The following EXOC4 variants were observed in gnomAD, a reference collection of about 807,000 sequenced individuals.
The protein encoded by EXOC4 is SEC8-like 1.
EXOC4 carries 71 observed loss-of-function variants against 107.2 expected under a neutral mutation model. The observed-to-expected ratio is 0.66, with a 90% CI of 0.55 to 0.81. The LOEUF (loss-of-function observed/expected upper bound fraction) is 0.81, where lower values mean the gene tolerates loss of function less well. EXOC4 is among the 30% of genes least tolerant of loss of function. The probability of loss-of-function intolerance (pLI) is 0.00; values close to 1 mark genes in which losing one functional copy is unlikely to be tolerated. For synonymous variants in EXOC4, 456 were observed against 441.2 expected, an observed-to-expected ratio of 1.03 and a Z score of -0.42; for missense variants, 1,108 against 1,189.6, an observed-to-expected ratio of 0.93 and a Z score of 1.01.
At chr7:133,813,533 G>A (rs1207112976) in intron 10 of EXOC4, among the ~76,000 whole-genome samples, 1 of 152,178 alleles carries the variant, frequency 6.6e-6, no homozygotes, top group Non-Finnish European at 1.5e-5. Flanking sequence ...GGATGCACCT[G>A]GGTAGAGTAT....
chr7:134,007,868 C>A, intron 17 of EXOC4, 33 bp downstream of exon 17: 1 of 1,587,076 alleles, frequency 6.3e-7, no homozygotes, highest in South Asian at 1.2e-5. Context: ...GTTTCTTATG[C>A]CAAAGCTAAG....
chr7:134,038,932 T>C (rs1795453384), intron 17 of EXOC4, among the ~76,000 whole-genome samples: 1 of 152,218 alleles, frequency 6.6e-6, no homozygotes, highest in East Asian at 1.9e-4. Flanking sequence ...CAAATGCACA[T>C]GTAAAGAGAT....
At chr7:133,618,740 C>T (rs1333586899) in intron 9 of EXOC4, among the ~76,000 whole-genome samples, 1 of 152,038 alleles carries the variant, frequency 6.6e-6, no homozygotes, top group Non-Finnish European at 1.5e-5. Context: ...AGTACTCCAT[C>T]AGAGCAAAAA....
At chr7:133,466,922 A>AT (rs767374552) in intron 7 of EXOC4, among the ~76,000 whole-genome samples, 8 of 152,174 alleles carry the variant, frequency 5.3e-5, no homozygotes, top group Non-Finnish European at 8.8e-5. Context: ...TCCATTGATT[A>AT]TTTATCAAAA....
At chr7:133,622,936 C>T (rs1802368874) in intron 9 of EXOC4, among the ~76,000 whole-genome samples, 1 of 152,156 alleles carries the variant, frequency 6.6e-6, no homozygotes, top group Non-Finnish European at 1.5e-5. Context: ...AATGAACCTA[C>T]TCTATGTGTG....
the EXOC4 span, among the ~76,000 whole-genome samples, chr7:134,077,764 T>G: frequency 6.6e-6 from 1 of 152,270 alleles, no homozygotes; most frequent in Non-Finnish European, 1.5e-5. Context: ...TCTAGGTTTG[T>G]CTGAGCACAG....
chr7:134,015,918 T>C (rs1794896872), intron 17 of EXOC4, among the ~76,000 whole-genome samples: 1 of 148,874 alleles, frequency 6.7e-6, no homozygotes, highest in Admixed American at 6.7e-5. Context: ...CAACAATGTA[T>C]CAGTGCTTGG....
the EXOC4 span, among the ~76,000 whole-genome samples, chr7:134,093,467 A>G: frequency 6.6e-6 from 1 of 152,186 alleles, no homozygotes; most frequent in Admixed American, 6.5e-5. Flanking sequence ...CTGCCACACA[A>G]TAACAGAGCG....
chr7:134,099,188 TA>T, the EXOC4 span, among the ~76,000 whole-genome samples: 1 of 152,152 alleles, frequency 6.6e-6, no homozygotes, highest in Non-Finnish European at 1.5e-5. Context: ...TCTAATCCCA[TA>T]AATGGTGTCC....
At chr7:133,736,081 C>A (rs1795438089) in intron 10 of EXOC4, among the ~76,000 whole-genome samples, 1 of 151,600 alleles carries the variant, frequency 6.6e-6, no homozygotes, top group Non-Finnish European at 1.5e-5. Context: ...AGAGGGAGAC[C>A]CTGTCTCAAA....
chr7:133,333,681 C>T (rs962819058), intron 5 of EXOC4, among the ~76,000 whole-genome samples: 3 of 152,094 alleles, frequency 2.0e-5, no homozygotes, highest in Non-Finnish European at 4.4e-5. Context: ...CTATTTATTT[C>T]TGTATCTGTT....
chr7:133,472,214 A>G (rs182893891), intron 7 of EXOC4, among the ~76,000 whole-genome samples: 1 of 152,324 alleles, frequency 6.6e-6, no homozygotes, highest in East Asian at 1.9e-4. Flanking sequence ...GTGTTTTAGG[A>G]CTGTCAGTCT....
At chr7:133,852,782 A>C (rs2116266785) in intron 11 of EXOC4, among the ~76,000 whole-genome samples, 2 of 152,326 alleles carry the variant, frequency 1.3e-5, no homozygotes, top group East Asian at 3.9e-4. Context: ...AAGCTTATAG[A>C]GTCTTGTTTG....
chr7:134,097,790 A>G, the EXOC4 span, among the ~76,000 whole-genome samples: 4 of 152,310 alleles, frequency 2.6e-5, no homozygotes, highest in South Asian at 8.3e-4. Flanking sequence ...AAGGTGTTAC[A>G]GCTCTGGTCC....
chr7:133,796,306 T>A (rs2151189998), intron 10 of EXOC4, among the ~76,000 whole-genome samples: 1 of 152,234 alleles, frequency 6.6e-6, no homozygotes, highest in East Asian at 1.9e-4. Flanking sequence ...TGAATACCAA[T>A]CTGATATACA....
At chr7:133,807,274 T>G (rs1797100718) in intron 10 of EXOC4, among the ~76,000 whole-genome samples, 1 of 152,120 alleles carries the variant, frequency 6.6e-6, no homozygotes, top group South Asian at 2.1e-4. Flanking sequence ...AAAATGGAGA[T>G]AGTAAAAGCA....
intron 11 of EXOC4, among the ~76,000 whole-genome samples, chr7:133,855,987 G>A (rs1798365111): frequency 6.6e-6 from 1 of 152,178 alleles, no homozygotes; most frequent in Non-Finnish European, 1.5e-5. Context: ...CCTGTCATTT[G>A]AGATAGTTAC....
chr7:133,301,742 C>T (rs973531761), intron 3 of EXOC4, among the ~76,000 whole-genome samples: 6 of 152,038 alleles, frequency 3.9e-5, no homozygotes, highest in Non-Finnish European at 8.8e-5. Context: ...TTACTGATGT[C>T]GTTTATCTTT....
intron 14 of EXOC4, among the ~76,000 whole-genome samples, chr7:133,951,940 A>G (rs544499251): frequency 6.6e-6 from 1 of 152,292 alleles, no homozygotes; most frequent in East Asian, 1.9e-4. Context: ...CAGGTGGATC[A>G]CCTGATGTCA....
Sources: allele counts gnomAD v4.1 joint callset (sites outside exome capture counted in the v4.1 genomes callset), GRCh38; gene constraint gnomAD v4.1.1; transcripts MANE v1.5; gene names NCBI Gene and HGNC (gene_info 2026-07-23, HGNC 2026-07-21).